TMEM132C: variants seen among roughly 807,000 people sequenced by gnomAD.
TMEM132C encodes transmembrane protein 132C.
TMEM132C carries 29 observed loss-of-function variants against 61.4 expected under a neutral mutation model. The observed-to-expected ratio is 0.47, with a 90% CI of 0.35 to 0.64. The LOEUF is 0.64. Among genes scored for constraint, TMEM132C ranks in the 30% least tolerant of loss-of-function variants. TMEM132C has a pLI of 0.00. For synonymous variants in TMEM132C, 656 were observed against 633.1 expected, an observed-to-expected ratio of 1.04 and a Z score of -0.54; for missense variants, 1,408 against 1,476.9, an observed-to-expected ratio of 0.95 and a Z score of 0.76.
chr12:128,394,318 A>T (rs754085817), intron 1 of TMEM132C, among the ~76,000 whole-genome samples: 18 of 152,210 alleles, frequency 1.2e-4, no homozygotes, highest in Non-Finnish European at 1.8e-4. Context: ...CACATCAGAC[A>T]GCCATATGGC....
chr12:128,663,344 G>A (rs538500973), intron 4 of TMEM132C, among the ~76,000 whole-genome samples: 1 of 152,274 alleles, frequency 6.6e-6, no homozygotes, highest in South Asian at 2.1e-4. Context: ...ATGTAATATG[G>A]GGCCTTTGTG....
intron 1 of TMEM132C, among the ~76,000 whole-genome samples, chr12:128,355,633 C>G (rs1873478718): frequency 6.6e-6 from 1 of 151,964 alleles, no homozygotes; most frequent in African/African-American, 2.4e-5. Context: ...TATGTACTCT[C>G]TCTTCATACC....
intron 2 of TMEM132C, among the ~76,000 whole-genome samples, chr12:128,486,984 G>A (rs556257299): frequency 5.2e-4 from 79 of 151,610 alleles, no homozygotes; most frequent in African/African-American, 1.8e-3. Flanking sequence ...TCAGGAAATC[G>A]TAATGATTCT....
chr12:128,360,283 C>CG (rs1873661775), intron 1 of TMEM132C, among the ~76,000 whole-genome samples: 1 of 150,030 alleles, frequency 6.7e-6, no homozygotes, highest in Non-Finnish European at 1.5e-5. Context: ...CACACACACC[C>CG]CAGGATAACA....
At chr12:128,638,368 A>G (rs764767041) in intron 4 of TMEM132C, among the ~76,000 whole-genome samples, 3 of 152,238 alleles carry the variant, frequency 2.0e-5, no homozygotes, top group African/African-American at 2.4e-5. Flanking sequence ...AAGAATTTCC[A>G]GAAATTAGAG....
intron 7 of TMEM132C, among the ~76,000 whole-genome samples, chr12:128,696,938 T>C (rs563147115): frequency 6.8e-4 from 103 of 152,350 alleles, no homozygotes; most frequent in African/African-American, 2.4e-3. Flanking sequence ...TGTACAAGCA[T>C]ACTTCATCTA....
chr12:128,465,674 T>C (rs938337819), intron 2 of TMEM132C, among the ~76,000 whole-genome samples: 13 of 152,200 alleles, frequency 8.5e-5, no homozygotes, highest in African/African-American at 2.9e-4. Context: ...AGGCCTGCCC[T>C]CACGAGCACT....
chr12:128,280,216 G>A (rs58173402), intron 1 of TMEM132C, among the ~76,000 whole-genome samples: 12,475 of 152,136 alleles, frequency 0.082, 1,513 homozygotes, highest in African/African-American at 0.27. Flanking sequence ...TCCGTCAGTC[G>A]CTCCAGGGAA....
chr12:128,334,180 T>G (rs551476946), intron 1 of TMEM132C, among the ~76,000 whole-genome samples: 17 of 152,358 alleles, frequency 1.1e-4, no homozygotes, highest in African/African-American at 4.1e-4. Context: ...CTGTCTAGTT[T>G]TAGTGCCAAC....
intron 1 of TMEM132C, among the ~76,000 whole-genome samples, chr12:128,348,820 T>C (rs1188431373): frequency 6.6e-6 from 1 of 152,236 alleles, no homozygotes; most frequent in Non-Finnish European, 1.5e-5. Context: ...ACGCAGTTTC[T>C]TTGCATCCCT....
At chr12:128,567,518 G>A (rs1013616445) in intron 3 of TMEM132C, among the ~76,000 whole-genome samples, 2 of 151,410 alleles carry the variant, frequency 1.3e-5, no homozygotes, top group South Asian at 2.1e-4. Flanking sequence ...TACGGTAATC[G>A]TTTCACAGTG....
chr12:128,621,453 C>T (rs113512258), intron 4 of TMEM132C, among the ~76,000 whole-genome samples: 9 of 152,138 alleles, frequency 5.9e-5, no homozygotes, highest in East Asian at 5.8e-4. Flanking sequence ...CTGGAGCTTC[C>T]GATAGCACCC....
intron 8 of TMEM132C, among the ~76,000 whole-genome samples, chr12:128,701,051 A>C (rs1168458931): frequency 6.6e-6 from 1 of 152,106 alleles, no homozygotes; most frequent in Non-Finnish European, 1.5e-5. Flanking sequence ...CTGCTGGGCG[A>C]CTGTATGCCG....
intron 3 of TMEM132C, among the ~76,000 whole-genome samples, chr12:128,615,034 T>G (rs1381357435): frequency 6.6e-6 from 1 of 152,214 alleles, no homozygotes; most frequent in Non-Finnish European, 1.5e-5. Context: ...CCAACTGCCT[T>G]CCTGGCTGCT....
intron 1 of TMEM132C, among the ~76,000 whole-genome samples, chr12:128,297,387 A>G (rs1871446353): frequency 6.6e-6 from 1 of 152,226 alleles, no homozygotes; most frequent in African/African-American, 2.4e-5. Flanking sequence ...AGATTCATTT[A>G]AAGTCATAAA....
intron 5 of TMEM132C, among the ~76,000 whole-genome samples, chr12:128,673,909 T>G (rs1004295580): frequency 1.3e-5 from 2 of 152,258 alleles, no homozygotes; most frequent in Non-Finnish European, 2.9e-5. Flanking sequence ...TCTGGTCATC[T>G]CATGTAATCC....
chr12:128,623,397 G>T (rs770002609), intron 4 of TMEM132C, among the ~76,000 whole-genome samples: 1 of 149,842 alleles, frequency 6.7e-6, no homozygotes, highest in Non-Finnish European at 1.5e-5. Flanking sequence ...ATGTACCCTA[G>T]AACTTAAAGT....
At chr12:128,500,786 A>G (rs1401323703) in intron 2 of TMEM132C, among the ~76,000 whole-genome samples, 1 of 152,250 alleles carries the variant, frequency 6.6e-6, no homozygotes, top group African/African-American at 2.4e-5. Context: ...TCAGAAAGTT[A>G]AACATAGAAT....
Position 128,515,751 on chromosome 12 carries a change from C to T in TMEM132C, c.975-28206C>T, listed in dbSNP as rs192505742. On this transcript the variant is annotated intron_variant, in intron 2 of 8. Coordinates refer to ENST00000435159, the MANE Select transcript of TMEM132C (RefSeq NM_001136103.3). Reference sequence around the variant, plus strand: ...TTGGGAGGCTGAGGCAGGAGAATGGCGTGAACCCGGGAGGCGGAGTTTGCA... The same window carrying T: ...TTGGGAGGCTGAGGCAGGAGAATGGTGTGAACCCGGGAGGCGGAGTTTGCA... Among the ~76,000 whole-genome samples, 574 of 151,904 alleles carry T rather than the reference C, an allele frequency of 3.8e-3. 4 individuals are homozygous for T. Among genetic ancestry groups the T allele is most frequent in the Non-Finnish European group, 6.3e-3 (425 of 67,998 alleles).
Sources: gnomAD v4.1 joint callset for allele counts (sites outside exome capture counted in the v4.1 genomes callset) on GRCh38, gnomAD v4.1.1 for gene constraint, MANE v1.5 for transcripts, NCBI Gene and HGNC (gene_info 2026-07-23, HGNC 2026-07-21) for gene names.